TTC39B: variants seen among roughly 807,000 people sequenced by gnomAD.
TTC39B encodes tetratricopeptide repeat protein 39B.
A neutral mutation model predicts 96.6 loss-of-function variants in TTC39B; 92 were observed. The observed-to-expected ratio is 0.95, with a 90% confidence interval of 0.80 to 1.13. The LOEUF is 1.13. Among genes scored for constraint, TTC39B ranks in the 50% most tolerant of loss-of-function variants. The pLI, the probability that TTC39B is intolerant of heterozygous loss-of-function variation, is 0.00. For synonymous variants in TTC39B, 367 were observed against 299.4 expected (o/e 1.23, Z -2.33); for missense variants, 955 against 809.3 (o/e 1.18, Z -2.18).
At chr9:15,293,797 C>A (rs1297879926) in intron 1 of TTC39B, among the ~76,000 whole-genome samples, 1 of 152,346 alleles carries the variant, frequency 6.6e-6, no homozygotes, top group East Asian at 1.9e-4. Context: ...TGTAAACAGA[C>A]CTTACCTACA....
chr9:15,285,250 C>T (rs1823922345), intron 1 of TTC39B, among the ~76,000 whole-genome samples: 1 of 147,122 alleles, frequency 6.8e-6, no homozygotes, highest in Non-Finnish European at 1.5e-5. Flanking sequence ...GCCTGGGCGA[C>T]AGAGCAAGAC....
intron 3 of TTC39B, among the ~76,000 whole-genome samples, chr9:15,214,898 G>A (rs921337219): frequency 5.3e-5 from 8 of 152,052 alleles, no homozygotes; most frequent in African/African-American, 1.4e-4. Flanking sequence ...TTTGTGTAAC[G>A]ACTTGCAAAA....
At chr9:15,235,198 C>T (rs1308650406) in intron 2 of TTC39B, among the ~76,000 whole-genome samples, 1 of 151,992 alleles carries the variant, frequency 6.6e-6, no homozygotes, top group East Asian at 1.9e-4. Context: ...TTCATATCAC[C>T]AACTAATAAT....
chr9:15,204,214 T>C (rs922444234), intron 6 of TTC39B, among the ~76,000 whole-genome samples: 1 of 152,212 alleles, frequency 6.6e-6, no homozygotes, highest in Non-Finnish European at 1.5e-5. Context: ...GGAAACCACT[T>C]ATTTTTTAAC....
chr9:15,274,461 T>A (rs1252056511), intron 1 of TTC39B, among the ~76,000 whole-genome samples: 1 of 152,236 alleles, frequency 6.6e-6, no homozygotes, highest in East Asian at 1.9e-4. Context: ...GCAAATGTAA[T>A]AATCAGCTTC....
At chr9:15,190,736 T>C (rs370622718) in intron 10 of TTC39B, 74 bp from the exon 11 acceptor site, 1 of 1,227,012 alleles carries the variant, frequency 8.1e-7, no homozygotes. Context: ...TTAAACATTT[T>C]TATATATTAG....
At chr9:15,169,830 G>C (rs1191697554) in exon 20 of TTC39B, 1 of 152,090 alleles carries the variant, frequency 6.6e-6, no homozygotes, top group Non-Finnish European at 1.5e-5. Flanking sequence ...TAGTAATGCA[G>C]AGTTAAAATA....
chr9:15,192,592 A>G (rs139807496), exon 9 of TTC39B: 1 of 1,612,666 alleles, frequency 6.2e-7, no homozygotes, highest in African/African-American at 1.3e-5. Flanking sequence ...TTCCTTACCA[A>G]ATTAAAGGCC....
At chr9:15,289,949 G>T (rs995310303) in intron 1 of TTC39B, among the ~76,000 whole-genome samples, 29 of 152,134 alleles carry the variant, frequency 1.9e-4, no homozygotes, top group Non-Finnish European at 3.2e-4. Context: ...ATGATGTCCA[G>T]TGTGAGAGCC....
chr9:15,209,308 G>A (rs1338157711), intron 6 of TTC39B, among the ~76,000 whole-genome samples: 1 of 152,062 alleles, frequency 6.6e-6, no homozygotes, highest in African/African-American at 2.4e-5. Flanking sequence ...CAGCAACAGG[G>A]GTCATTTCCT....
intron 1 of TTC39B, among the ~76,000 whole-genome samples, chr9:15,289,394 A>G (rs371013219): frequency 6.6e-5 from 10 of 152,252 alleles, no homozygotes; most frequent in African/African-American, 1.9e-4. Flanking sequence ...TAATTAAATT[A>G]ATGGATGCAA....
At chr9:15,210,238 T>A in intron 5 of TTC39B, 74 bp from the exon 6 acceptor site, 1 of 999,198 alleles carries the variant, frequency 1.0e-6, no homozygotes, top group South Asian at 1.5e-5. Flanking sequence ...TCATTTGACG[T>A]TCATTTCAGT....
At chr9:15,283,844 A>C (rs1262840989) in intron 1 of TTC39B, among the ~76,000 whole-genome samples, 1 of 152,194 alleles carries the variant, frequency 6.6e-6, no homozygotes, top group Admixed American at 6.5e-5. Flanking sequence ...ACCCATATAC[A>C]AGTTTCCATA....
At chr9:15,241,226 G>T (rs1453105468) in intron 2 of TTC39B, among the ~76,000 whole-genome samples, 1 of 151,890 alleles carries the variant, frequency 6.6e-6, no homozygotes, top group South Asian at 2.1e-4. Context: ...TCTCTCAAGA[G>T]GTACTTCCCT....
chr9:15,261,432 G>A (rs1045721058), intron 2 of TTC39B, among the ~76,000 whole-genome samples: 11 of 151,900 alleles, frequency 7.2e-5, no homozygotes, highest in Non-Finnish European at 1.6e-4. Flanking sequence ...TTGAGAACGC[G>A]CCACTACACT....
At chr9:15,183,006 G>C (rs970395687) in intron 16 of TTC39B, among the ~76,000 whole-genome samples, 6 of 152,132 alleles carry the variant, frequency 3.9e-5, no homozygotes, top group Admixed American at 1.3e-4. Context: ...TGGGCTACCA[G>C]ATGAGAATTT....
At chr9:15,235,002 T>C (rs1282419248) in intron 2 of TTC39B, among the ~76,000 whole-genome samples, 2 of 123,834 alleles carry the variant, frequency 1.6e-5, no homozygotes, top group African/African-American at 5.9e-5. Context: ...TCCCCCTCTG[T>C]GAGAAACACC....
chr9:15,167,203 A>ATTTT (rs35735770), exon 20 of TTC39B: 1 of 43,944 alleles, frequency 2.3e-5, no homozygotes, highest in Non-Finnish European at 3.7e-5. Context: ...TGCACGGCTC[A>ATTTT]TTTTTTTTTT....
chr9:15,167,389 G>C (rs1391986538), exon 20 of TTC39B: 14 of 151,576 alleles, frequency 9.2e-5, no homozygotes, highest in South Asian at 2.1e-4. Flanking sequence ...AGTTGAGAAA[G>C]TCAGTGTTGA....
Sources: gnomAD v4.1 joint callset for allele counts (sites outside exome capture counted in the v4.1 genomes callset) on GRCh38, gnomAD v4.1.1 for gene constraint, MANE v1.5 for transcripts, NCBI Gene and HGNC (gene_info 2026-07-23, HGNC 2026-07-21) for gene names.